The following CDH13 variants were observed in gnomAD, a reference collection of about 807,000 sequenced individuals.
CDH13 encodes cadherin 13, also known as cadherin-13.
In CDH13, 24 loss-of-function variants were observed where a neutral mutation model predicts 63.8. That is an observed-to-expected ratio of 0.38 (90% CI 0.27 to 0.53). CDH13 has a LOEUF of 0.53. Among genes scored for constraint, CDH13 ranks in the 20% least tolerant of loss-of-function variants. CDH13 has a pLI of 0.85. For missense variants in CDH13, 1,049 were observed against 903.1 expected (o/e 1.16, Z -2.07); for synonymous variants, 503 against 355.3 (o/e 1.42, Z -4.67).
At chr16:83,608,122 A>G (rs1436896972) in intron 8 of CDH13, among the ~76,000 whole-genome samples, 1 of 152,192 alleles carries the variant, frequency 6.6e-6, no homozygotes, top group Non-Finnish European at 1.5e-5. Flanking sequence ...TAAAATGGCA[A>G]TTGGTCATTT....
At chr16:83,400,215 C>A (rs866238792) in intron 6 of CDH13, among the ~76,000 whole-genome samples, 2 of 151,936 alleles carry the variant, frequency 1.3e-5, no homozygotes, top group Admixed American at 6.6e-5. Flanking sequence ...AAAGGGATGA[C>A]TTTTAAAGAA....
At chr16:82,781,711 T>C (rs891907856) in intron 1 of CDH13, among the ~76,000 whole-genome samples, 3 of 152,186 alleles carry the variant, frequency 2.0e-5, no homozygotes, top group African/African-American at 7.2e-5. Flanking sequence ...CATCCATCAA[T>C]ATAGCCTTGT....
chr16:82,843,234 G>A (rs372214289), intron 1 of CDH13, among the ~76,000 whole-genome samples: 2 of 152,298 alleles, frequency 1.3e-5, no homozygotes, highest in South Asian at 2.1e-4. Flanking sequence ...GACAATTAGT[G>A]TATATTGTCT....
chr16:82,957,219 G>T (rs1191470568), intron 2 of CDH13, among the ~76,000 whole-genome samples: 1 of 152,136 alleles, frequency 6.6e-6, no homozygotes, highest in Non-Finnish European at 1.5e-5. Context: ...TCTTCTTGGC[G>T]AGCTGTTGAC....
chr16:82,654,530 A>G (rs1371563208), intron 1 of CDH13, among the ~76,000 whole-genome samples: 1 of 152,150 alleles, frequency 6.6e-6, no homozygotes, highest in Non-Finnish European at 1.5e-5. Flanking sequence ...TAAACCTAAT[A>G]ATGGCTTCCT....
chr16:83,759,356 C>T (rs1295406013), intron 11 of CDH13, among the ~76,000 whole-genome samples: 2 of 152,144 alleles, frequency 1.3e-5, no homozygotes, highest in African/African-American at 4.8e-5. Flanking sequence ...TTTTAAAATG[C>T]ATCCTGACCC....
intron 2 of CDH13, among the ~76,000 whole-genome samples, chr16:82,884,687 T>C (rs1183236292): frequency 6.6e-6 from 1 of 152,218 alleles, no homozygotes; most frequent in Admixed American, 6.5e-5. Context: ...GCAATTGAAC[T>C]GGAAACAGCT....
intron 2 of CDH13, among the ~76,000 whole-genome samples, chr16:82,977,387 C>T (rs999175785): frequency 3.9e-5 from 6 of 152,120 alleles, no homozygotes; most frequent in Admixed American, 2.6e-4. Context: ...TGGCTGTGTC[C>T]CCACCCAAAT....
intron 2 of CDH13, among the ~76,000 whole-genome samples, chr16:82,947,499 G>A (rs976697340): frequency 6.6e-6 from 1 of 152,000 alleles, no homozygotes; most frequent in African/African-American, 2.4e-5. Flanking sequence ...TGATGTTTCG[G>A]TTTTTCCATT....
At chr16:83,013,280 G>A (rs1167966199) in intron 2 of CDH13, among the ~76,000 whole-genome samples, 1 of 152,190 alleles carries the variant, frequency 6.6e-6, no homozygotes, top group Non-Finnish European at 1.5e-5. Flanking sequence ...ACAGTAGTGG[G>A]CCGGATTTGA....
chr16:83,425,022 G>A lies in CDH13; in HGVS notation c.782-61455G>A, dbSNP rs1034701407. Among the ~76,000 whole-genome samples the A allele has an allele frequency of 1.9e-4, 29 of 152,320 alleles. 1 individual carries two copies. The highest frequency in any genetic ancestry group is 6.5e-4 in the African/African-American group (27 of 41,586). ...AGTAATGGGAAATTAAATCCACAGAGCTATTCCTTTTCCCTTAGTGGTTCT... is the reference window on the plus strand; with the variant it reads ...AGTAATGGGAAATTAAATCCACAGAACTATTCCTTTTCCCTTAGTGGTTCT... On this transcript the variant is annotated intron_variant, in intron 6 of 13. Coordinates refer to ENST00000567109, the MANE Select transcript of CDH13 (RefSeq NM_001257.5).
chr16:83,382,869 C>T (rs552634211), intron 6 of CDH13: 1 of 152,334 alleles, frequency 6.6e-6, no homozygotes, highest in African/African-American at 2.4e-5. Context: ...TTGGTAATGT[C>T]TGGAGACATT....
chr16:82,702,633 C>G (rs550943760), intron 1 of CDH13, among the ~76,000 whole-genome samples: 1 of 152,210 alleles, frequency 6.6e-6, no homozygotes, highest in Non-Finnish European at 1.5e-5. Context: ...CTTTCCCCCA[C>G]TCAAATTGTA....
intron 5 of CDH13, among the ~76,000 whole-genome samples, chr16:83,311,817 G>A (rs9937155): frequency 0.3 from 45,254 of 152,144 alleles, 6,918 homozygotes; most frequent in East Asian, 0.46. Context: ...GCTCACGCCT[G>A]TAATCCCAGC....
At chr16:83,577,327 C>T (rs917160859) in intron 7 of CDH13, among the ~76,000 whole-genome samples, 1 of 152,198 alleles carries the variant, frequency 6.6e-6, no homozygotes, top group East Asian at 1.9e-4. Flanking sequence ...GATGAGGTTT[C>T]CCAGCACGTC....
chr16:83,151,780 C>T (rs1488206636), intron 4 of CDH13, among the ~76,000 whole-genome samples: 1 of 152,094 alleles, frequency 6.6e-6, no homozygotes, highest in African/African-American at 2.4e-5. Flanking sequence ...GCCTGACCAA[C>T]ATGGTGAAAC....
chr16:83,608,887 G>GGCT (rs973647222), intron 8 of CDH13, among the ~76,000 whole-genome samples: 2 of 151,904 alleles, frequency 1.3e-5, no homozygotes, highest in African/African-American at 4.8e-5. Flanking sequence ...TTCCATGTCT[G>GGCT]GCTGCAAACT....
intron 4 of CDH13, among the ~76,000 whole-genome samples, chr16:83,139,948 G>T (rs2151673029): frequency 6.6e-6 from 1 of 152,288 alleles, no homozygotes; most frequent in East Asian, 1.9e-4. Context: ...GTTGTGGTGA[G>T]CCAAGATCAT....
chr16:83,519,360 C>T (rs911358806), intron 7 of CDH13, among the ~76,000 whole-genome samples: 1 of 152,120 alleles, frequency 6.6e-6, no homozygotes, highest in African/African-American at 2.4e-5. Context: ...GTTTTGGAGT[C>T]CCCAGAAGAC....
Sources: gnomAD v4.1 joint callset for allele counts (sites outside exome capture counted in the v4.1 genomes callset) on GRCh38, gnomAD v4.1.1 for gene constraint, MANE v1.5 for transcripts, NCBI Gene and HGNC (gene_info 2026-07-23, HGNC 2026-07-21) for gene names.